FMO1: variants seen among roughly 807,000 people sequenced by gnomAD.
FMO1 encodes the protein flavin containing dimethylaniline monoxygenase 1, also known as flavin-containing monooxygenase 1.
FMO1 carries 36 observed loss-of-function variants against 45.4 expected under a neutral mutation model. That is an observed-to-expected ratio of 0.79 (90% CI 0.61 to 1.05). The LOEUF (loss-of-function observed/expected upper bound fraction) is 1.05. Among genes scored for constraint, FMO1 ranks in the 50% least tolerant of loss-of-function variants. FMO1 has a pLI of 0.00. For synonymous variants in FMO1, 228 were observed against 227.2 expected (o/e 1.00, Z -0.03); for missense variants, 615 against 640.3 (o/e 0.96, Z 0.43).
intron 1 of FMO1, among the ~76,000 whole-genome samples, chr1:171,252,625 T>C (rs1659947110): frequency 6.6e-6 from 1 of 152,218 alleles, no homozygotes; most frequent in South Asian, 2.1e-4. Flanking sequence ...GCCTTGTTTC[T>C]ACAAGTACGC....
chr1:171,266,785 C>T (rs1660633826), intron 2 of FMO1, among the ~76,000 whole-genome samples: 1 of 152,138 alleles, frequency 6.6e-6, no homozygotes, highest in Admixed American at 6.5e-5. Flanking sequence ...AACCTTGCCA[C>T]TGAAATTAGA....
In FMO1 at chr1:171,280,904, C is replaced by A; in HGVS notation, c.746C>A (p.Thr249Asn). ...FQNMLRNSLP[T>N]PIVTWLMERK... ...AACATGTTGAGAAATTCCCTCCCAA[C>A]CCCAATTGTGACTTGGTTGATGGAG... The change falls in exon 6 of 9, where the codon ACC becomes AAC. Residue 249 changes from threonine (T) to asparagine (N), a missense_variant. Coordinates refer to ENST00000617670, the MANE Select transcript of FMO1 (RefSeq NM_001282693.2). 1.2e-6 allele frequency: 2 copies of A among 1,613,980 alleles called. No homozygotes were observed. Among genetic ancestry groups the A allele is most frequent in the Non-Finnish European group, 1.7e-6 (2 of 1,179,874 alleles).
chr1:171,252,343 C>A (rs1376393389), intron 1 of FMO1, among the ~76,000 whole-genome samples: 2 of 152,140 alleles, frequency 1.3e-5, no homozygotes, highest in Non-Finnish European at 2.9e-5. Context: ...CTCCCTTCTG[C>A]CAGGGTGGGG....
chr1:171,278,065 T>C (rs1321979171), intron 4 of FMO1, among the ~76,000 whole-genome samples: 1 of 152,230 alleles, frequency 6.6e-6, no homozygotes, highest in Non-Finnish European at 1.5e-5. Context: ...AGATTCAGCA[T>C]CACTGCCTAA....
At chr1:171,261,859 A>G (rs536320682) in intron 2 of FMO1, among the ~76,000 whole-genome samples, 97 of 152,340 alleles carry the variant, frequency 6.4e-4, no homozygotes, top group Admixed American at 6.2e-3. Context: ...AGTTACAATG[A>G]AAAAGAAAGA....
chr1:171,265,701 T>A (rs1488359187), intron 2 of FMO1, among the ~76,000 whole-genome samples: 1 of 143,870 alleles, frequency 7.0e-6, no homozygotes, highest in Non-Finnish European at 1.5e-5. Flanking sequence ...GTAGACACAT[T>A]TTAAATACAC....
intron 3 of FMO1, among the ~76,000 whole-genome samples, chr1:171,270,045 G>A (rs1410948393): frequency 1.3e-5 from 2 of 152,120 alleles, no homozygotes; most frequent in Admixed American, 6.5e-5. Flanking sequence ...TTAAGCTCAC[G>A]CTTTTGGGGA....
At chr1:171,266,891 G>A (rs1362665848) in intron 2 of FMO1, among the ~76,000 whole-genome samples, 1 of 152,230 alleles carries the variant, frequency 6.6e-6, no homozygotes, top group Non-Finnish European at 1.5e-5. Flanking sequence ...AGTCTTATGA[G>A]ATATTGGTAT....
At chr1:171,285,010 T>C (rs1429664268) in intron 8 of FMO1, among the ~76,000 whole-genome samples, 192 bp from the exon 9 acceptor site, 1 of 152,178 alleles carries the variant, frequency 6.6e-6, no homozygotes, top group Non-Finnish European at 1.5e-5. Context: ...ATGTATAAAG[T>C]ATCTTTTGAA....
chr1:171,254,588 A>AT lies in FMO1; in HGVS notation c.-6-3493dup, dbSNP rs28384836. Among the ~76,000 whole-genome samples, 297 of 152,324 alleles carry AT rather than the reference A, an allele frequency of 1.9e-3. 2 individuals carry two copies. The highest frequency in any genetic ancestry group is 6.5e-3 in the African/African-American group (271 of 41,576). ...TATACCTTATATATACAGAAGACTA[A>AT]TAGACATGATCAGTTCATCAACAAT... On this transcript the variant is annotated intron_variant, in intron 1 of 8. Transcript: ENST00000617670.
chr1:171,255,516 G>T (rs1003171953), intron 1 of FMO1, among the ~76,000 whole-genome samples: 1 of 152,130 alleles, frequency 6.6e-6, no homozygotes, highest in African/African-American at 2.4e-5. Context: ...AACCAGCCAG[G>T]TGCTTTCAGT....
At chr1:171,269,181 C>T (rs1660745324) in intron 3 of FMO1, among the ~76,000 whole-genome samples, 1 of 152,044 alleles carries the variant, frequency 6.6e-6, no homozygotes, top group Admixed American at 6.5e-5. Flanking sequence ...AAATTGGTAC[C>T]AGTAGAGTGG....
intron 2 of FMO1, among the ~76,000 whole-genome samples, chr1:171,265,417 G>GAAAAAAAAAAAAAAAAAAAAAGA: frequency 8.0e-6 from 1 of 124,494 alleles, no homozygotes; most frequent in African/African-American, 2.9e-5. Context: ...AAAAGAAAAA[G>GAAAAAAAAAAAAAAAAAAAAAGA]AAAAAAAAAA....
At position 171,267,639 on chromosome 1, in the gene FMO1, G is replaced by T. The variant is rs750525854; in HGVS notation, c.229G>T (p.Asp77Tyr). 1 of 1,613,940 alleles carries T rather than the reference G, an allele frequency of 6.2e-7. No individual in the cohort carries two copies. The highest frequency in any genetic ancestry group is 8.5e-7 in the Non-Finnish European group (1 of 1,179,930). The change falls in exon 3 of 9, where the codon GAT (aspartate) becomes TAT (tyrosine). Residue 77 changes from aspartate to tyrosine, a missense_variant. Asp to Tyr is a radical substitution (Grantham distance 160). Coordinates refer to ENST00000617670, the MANE Select transcript of FMO1 (RefSeq NM_001282693.2). ...TTACTCAGACTTTCCATTCCCAGAA[G>T]ATTATCCAAACTATGTGCCAAATTC... ...SCYSDFPFPE[D>Y]YPNYVPNSQF...
intron 2 of FMO1, among the ~76,000 whole-genome samples, chr1:171,261,107 G>A (rs1660361757): frequency 6.6e-6 from 1 of 151,920 alleles, no homozygotes; most frequent in Non-Finnish European, 1.5e-5. Context: ...AATTAGTAAC[G>A]GGCTTAGGAA....
intron 5 of FMO1, 134 bp from the exon 6 acceptor site, chr1:171,280,652 T>G (rs1661309022): frequency 3.0e-6 from 2 of 669,578 alleles, no homozygotes; most frequent in Non-Finnish European, 5.3e-6. Flanking sequence ...ACCAAGACTA[T>G]CTTGTCAGGG....
At chr1:171,278,020 T>G (rs1416478555) in intron 4 of FMO1, among the ~76,000 whole-genome samples, 2 of 152,342 alleles carry the variant, frequency 1.3e-5, no homozygotes, top group South Asian at 4.1e-4. Flanking sequence ...AAAAGAGTAT[T>G]TTCAAACCTT....
intron 1 of FMO1, among the ~76,000 whole-genome samples, chr1:171,252,804 G>C (rs1659956500): frequency 6.6e-6 from 1 of 152,192 alleles, no homozygotes; most frequent in African/African-American, 2.4e-5. Flanking sequence ...CTAACAGGTG[G>C]GGGTGAGGGG....
intron 5 of FMO1, 27 bp from the exon 6 acceptor site, chr1:171,280,759 T>A: frequency 6.3e-7 from 1 of 1,598,694 alleles, no homozygotes; most frequent in Non-Finnish European, 8.6e-7. Context: ...CAGTGTCAAA[T>A]GAAGGGATGT....
Sources: gnomAD v4.1 joint callset for allele counts (sites outside exome capture counted in the v4.1 genomes callset) on GRCh38, gnomAD v4.1.1 for gene constraint, MANE v1.5 for transcripts, NCBI Gene and HGNC (gene_info 2026-07-23, HGNC 2026-07-21) for gene names.